Variants in IL1RAPL1 observed in about 807,000 individuals in gnomAD.
IL1RAPL1 encodes interleukin-1 receptor accessory protein-like 1.
A neutral mutation model predicts 48.4 loss-of-function variants in IL1RAPL1; 3 were observed. The ratio of observed to expected loss-of-function variants is 0.06; its 90% confidence interval spans 0.03 to 0.16. The LOEUF (loss-of-function observed/expected upper bound fraction) is 0.16. Ranked by LOEUF, IL1RAPL1 falls within the 10% of genes least tolerant of loss-of-function variation. IL1RAPL1 has a pLI of 1.00. For missense variants in IL1RAPL1, 349 were observed against 530.6 expected (o/e 0.66, Z 3.36); for synonymous variants, 185 against 187.7 (o/e 0.99, Z 0.12).
intron 5 of IL1RAPL1, among the ~76,000 whole-genome samples, chrX:29,489,880 GC>G (rs1935137266): frequency 8.9e-6 from 1 of 111,894 alleles, no homozygotes; most frequent in African/African-American, 3.2e-5. Context: ...GGTCTGTACA[GC>G]TAGCAGAATG....
chrX:28,871,356 C>T (rs935051933), intron 2 of IL1RAPL1, among the ~76,000 whole-genome samples: 1 of 112,070 alleles, frequency 8.9e-6, no homozygotes, highest in Non-Finnish European at 1.9e-5. Flanking sequence ...GTATCTTTTA[C>T]AGTTTCATAG....
intron 6 of IL1RAPL1, among the ~76,000 whole-genome samples, chrX:29,826,314 G>A (rs1430720650): frequency 8.9e-6 from 1 of 111,822 alleles, no homozygotes; most frequent in Admixed American, 9.5e-5. Context: ...ACCATCAGCT[G>A]CTGGACATAA....
At chrX:29,013,337 C>G (rs750275137) in intron 2 of IL1RAPL1, among the ~76,000 whole-genome samples, 6 of 111,699 alleles carry the variant, frequency 5.4e-5, no homozygotes, top group African/African-American at 2.0e-4. Context: ...GGAAGAAATG[C>G]CATTTAACCA....
chrX:28,664,878 A>G (rs1261557825), intron 1 of IL1RAPL1, among the ~76,000 whole-genome samples: 3 of 111,693 alleles, frequency 2.7e-5, no homozygotes, highest in African/African-American at 9.8e-5. Context: ...TTTCATGTGC[A>G]AGGGAAGAGC....
chrX:29,086,532 T>G (rs933222591), intron 2 of IL1RAPL1, among the ~76,000 whole-genome samples: 4 of 112,063 alleles, frequency 3.6e-5, no homozygotes, highest in African/African-American at 1.3e-4. Flanking sequence ...TTTCTTTTCT[T>G]TCTCCCTTTT....
chrX:29,829,678 A>C (rs1344715199), intron 6 of IL1RAPL1, among the ~76,000 whole-genome samples: 1 of 111,169 alleles, frequency 9.0e-6, no homozygotes, highest in Non-Finnish European at 1.9e-5. Context: ...TATTTTTTCT[A>C]TTTTACAGTG....
chrX:29,208,609 G>T (rs1930710073), intron 2 of IL1RAPL1, among the ~76,000 whole-genome samples: 1 of 108,515 alleles, frequency 9.2e-6, no homozygotes, highest in African/African-American at 3.4e-5. Flanking sequence ...TACTCTGGAG[G>T]CTGAGCCAGG....
At chrX:29,852,415 C>A (rs1043473301) in intron 6 of IL1RAPL1, among the ~76,000 whole-genome samples, 6 of 112,180 alleles carry the variant, frequency 5.3e-5, no homozygotes, top group African/African-American at 1.9e-4. Flanking sequence ...GTCTACGAAT[C>A]TGGCAGCAGA....
chrX:29,846,004 C>G (rs1054964372), intron 6 of IL1RAPL1, among the ~76,000 whole-genome samples: 1 of 111,178 alleles, frequency 9.0e-6, no homozygotes, highest in East Asian at 2.8e-4. Context: ...CCCCATGAAC[C>G]AATCACCTCC....
intron 6 of IL1RAPL1, among the ~76,000 whole-genome samples, chrX:29,815,870 T>C (rs1930480555): frequency 9.0e-6 from 1 of 111,527 alleles, no homozygotes; most frequent in South Asian, 3.8e-4. Flanking sequence ...TTTTTGTTTT[T>C]AATTTTGTTT....
intron 2 of IL1RAPL1, among the ~76,000 whole-genome samples, chrX:29,013,000 A>T (rs1165246224): frequency 9.0e-6 from 1 of 111,664 alleles, no homozygotes; most frequent in East Asian, 2.8e-4. Flanking sequence ...ATGACATACA[A>T]CTTTAACAGT....
At chrX:28,621,387 C>T (rs1332844388) in intron 1 of IL1RAPL1, among the ~76,000 whole-genome samples, 1 of 111,315 alleles carries the variant, frequency 9.0e-6, no homozygotes, top group Non-Finnish European at 1.9e-5. Flanking sequence ...TCTTTGGAGG[C>T]ATTCGTTGCA....
chrX:29,608,232 T>C (rs748206238), intron 5 of IL1RAPL1, among the ~76,000 whole-genome samples: 1 of 111,875 alleles, frequency 8.9e-6, no homozygotes, highest in South Asian at 3.7e-4. Flanking sequence ...CAGCTGGATG[T>C]CAAGATTGCA....
chrX:28,810,970 C>T lies in IL1RAPL1; in HGVS notation c.82+21545C>T, dbSNP rs145394373. 6.6e-3 allele frequency among the ~76,000 whole-genome samples: 722 copies of T among 109,591 alleles called. 6 individuals carry two copies. Among genetic ancestry groups the T allele is most frequent in the African/African-American group, 0.023 (684 of 30,373 alleles). On this transcript the variant is annotated intron_variant, in intron 2 of 10. Transcript: ENST00000378993. ...TTTTTTCTATCAGCTGGTCAAATCT[C>T]ATAAGTTAGAAATGTTCAGACTATA...
intron 6 of IL1RAPL1, among the ~76,000 whole-genome samples, chrX:29,901,552 TTC>T (rs1269660189): frequency 1.8e-5 from 2 of 112,133 alleles, no homozygotes; most frequent in Admixed American, 1.9e-4. Flanking sequence ...CCTTTCATTT[TTC>T]TTTCCGTCTT....
rs552337423 is a variant in IL1RAPL1 at position 29,385,472 on chromosome X, A to C, written c.363-10786A>C. ...CCGTCTCAATAAAAAAAAAAGAAAA[A>C]GAAATTCTTTACCCATGAAACACTA... is the stretch of plus-strand genomic sequence containing the variant. On this transcript the variant is annotated intron_variant, in intron 3 of 10. Coordinates refer to ENST00000378993, the MANE Select transcript of IL1RAPL1 (RefSeq NM_014271.4). Among the ~76,000 whole-genome samples the C allele has an allele frequency of 5.3e-5, 6 of 112,403 alleles. No individual in the cohort carries two copies. The South Asian group carries it at 2.2e-3, about 41-fold the overall frequency.
chrX:28,902,878 G>A (rs1192597593), intron 2 of IL1RAPL1, among the ~76,000 whole-genome samples: 1 of 110,802 alleles, frequency 9.0e-6, no homozygotes, highest in Non-Finnish European at 1.9e-5. Flanking sequence ...AATTGTGCAT[G>A]CCAGGGAGTG....
At chrX:28,841,348 A>G (rs928928657) in intron 2 of IL1RAPL1, among the ~76,000 whole-genome samples, 1 of 111,193 alleles carries the variant, frequency 9.0e-6, no homozygotes, top group African/African-American at 3.2e-5. Flanking sequence ...GATACCAAGA[A>G]TAACATATTA....
chrX:28,644,749 T>C lies in IL1RAPL1; in HGVS notation c.-25+56702T>C, dbSNP rs145776775. Among the ~76,000 whole-genome samples the C allele has an allele frequency of 5.0e-3, 559 of 112,052 alleles. 3 individuals carry two copies. Among genetic ancestry groups the C allele is most frequent in the African/African-American group, 0.017 (533 of 30,877 alleles). On this transcript the variant is annotated intron_variant, in intron 1 of 10. Coordinates refer to ENST00000378993, the MANE Select transcript of IL1RAPL1 (RefSeq NM_014271.4). ...CTGAAATCTTGCTGAGTTCAACTTA[T>C]AAGCTTGTGGGCATTAAAAATTATA...
Sources: allele counts gnomAD v4.1 joint callset (sites outside exome capture counted in the v4.1 genomes callset), GRCh38; gene constraint gnomAD v4.1.1; transcripts MANE v1.5; gene names NCBI Gene and HGNC (gene_info 2026-07-23, HGNC 2026-07-21).